The following PHF24 variants were observed in gnomAD, a reference collection of about 807,000 sequenced individuals.
PHF24 encodes the protein PHD finger protein 24.
Under a neutral mutation model 42.6 loss-of-function variants are expected in PHF24, and 25 were observed. That is an observed-to-expected ratio of 0.59 (90% CI 0.43 to 0.82). The LOEUF (loss-of-function observed/expected upper bound fraction) is 0.82. Among genes scored for constraint, PHF24 ranks in the 40% least tolerant of loss-of-function variants. PHF24 has a pLI of 0.00. For synonymous variants in PHF24, 185 were observed against 204.8 expected, an observed-to-expected ratio of 0.90 and a Z score of 0.83; for missense variants, 470 against 538.1, an observed-to-expected ratio of 0.87 and a Z score of 1.25.
chr9:34,926,824 C>A, the PHF24 span, among the ~76,000 whole-genome samples: 18 of 151,774 alleles, frequency 1.2e-4, no homozygotes, highest in Non-Finnish European at 2.5e-4. The surrounding 1 kb of genome is among the most constrained non-coding windows in gnomAD (Gnocchi z 4.3). Context: ...CCTGGCCAGC[C>A]CAGGGCATGT....
intron 1 of PHF24, among the ~76,000 whole-genome samples, chr9:34,968,386 C>T (rs976153934): frequency 6.6e-6 from 1 of 152,116 alleles, no homozygotes; most frequent in Non-Finnish European, 1.5e-5. Flanking sequence ...AAATGATTTC[C>T]TGAATGTGCT....
the PHF24 span, among the ~76,000 whole-genome samples, chr9:34,921,594 C>T: frequency 7.2e-5 from 11 of 152,230 alleles, no homozygotes; most frequent in East Asian, 2.1e-3. Context: ...GAATGTGAAC[C>T]GTTTCTGCCC....
chr9:34,728,718 G>A, the PHF24 span: 2 of 1,429,650 alleles, frequency 1.4e-6, no homozygotes, highest in Non-Finnish European at 1.9e-6. Context: ...TGTCCAAAAT[G>A]AGACAAAACT....
chr9:34,776,581 C>G, the PHF24 span, among the ~76,000 whole-genome samples: 1 of 152,290 alleles, frequency 6.6e-6, no homozygotes, highest in Non-Finnish European at 1.5e-5. Context: ...GCAAATTTCT[C>G]ATTCATATCC....
chr9:34,862,118 G>C, the PHF24 span, among the ~76,000 whole-genome samples: 1 of 152,158 alleles, frequency 6.6e-6, no homozygotes, highest in Non-Finnish European at 1.5e-5. Context: ...GCCCTAGCCA[G>C]AGGGAAATCA....
the PHF24 span, among the ~76,000 whole-genome samples, chr9:34,785,736 C>T: frequency 6.6e-6 from 1 of 152,150 alleles, no homozygotes; most frequent in Non-Finnish European, 1.5e-5. Context: ...TGCATCCTTC[C>T]ACCTTTATAC....
chr9:34,808,935 C>T, the PHF24 span, among the ~76,000 whole-genome samples: 2 of 150,384 alleles, frequency 1.3e-5, no homozygotes, highest in African/African-American at 4.9e-5. Flanking sequence ...ATACCTAATG[C>T]TAGATGACGA....
chr9:34,774,854 C>G, the PHF24 span, among the ~76,000 whole-genome samples: 1 of 152,084 alleles, frequency 6.6e-6, no homozygotes, highest in Non-Finnish European at 1.5e-5. Context: ...CAAATCCAAA[C>G]AACAGTGATT....
At chr9:34,673,258 G>C in the PHF24 span, among the ~76,000 whole-genome samples, 1 of 151,126 alleles carries the variant, frequency 6.6e-6, no homozygotes, top group African/African-American at 2.4e-5. Context: ...CGAGAGATGA[G>C]GCAGGAGGAT....
At chr9:34,676,432 A>G in the PHF24 span, among the ~76,000 whole-genome samples, 1 of 152,104 alleles carries the variant, frequency 6.6e-6, no homozygotes, top group Admixed American at 6.5e-5. Flanking sequence ...GCTGAGGTGG[A>G]GGATCTCTTG....
chr9:34,866,330 T>C, the PHF24 span, among the ~76,000 whole-genome samples: 244 of 152,314 alleles, frequency 1.6e-3, no homozygotes, highest in Non-Finnish European at 3.0e-3. Context: ...CCTTTCTGTG[T>C]GCTTTTTCCC....
At chr9:34,714,401 G>C in the PHF24 span, among the ~76,000 whole-genome samples, 1 of 152,198 alleles carries the variant, frequency 6.6e-6, no homozygotes, top group Admixed American at 6.5e-5. Context: ...GCTTGGGAGG[G>C]GGCATGCAGA....
At chr9:34,682,040 T>C in the PHF24 span, among the ~76,000 whole-genome samples, 4,449 of 19,222 alleles carry the variant, frequency 0.23, 217 homozygotes, top group African/African-American at 0.37. Context: ...AGTGTCATGG[T>C]CACGGCTCAC....
At chr9:34,837,360 G>T in the PHF24 span, 2 of 382,598 alleles carry the variant, frequency 5.2e-6, no homozygotes, top group South Asian at 2.4e-5. Flanking sequence ...AGATGCCCAT[G>T]TTATGGCAAA....
chr9:34,784,255 A>G, the PHF24 span, among the ~76,000 whole-genome samples: 2 of 151,892 alleles, frequency 1.3e-5, no homozygotes, highest in Non-Finnish European at 2.9e-5. Context: ...TGCACAAGTG[A>G]AAGTGCATAA....
chr9:34,743,084 C>T, the PHF24 span, among the ~76,000 whole-genome samples: 1 of 152,324 alleles, frequency 6.6e-6, no homozygotes, highest in African/African-American at 2.4e-5. Flanking sequence ...TAAATAGTTT[C>T]AGTAACAGTA....
the PHF24 span, among the ~76,000 whole-genome samples, chr9:34,721,901 C>T: frequency 6.6e-6 from 1 of 152,164 alleles, no homozygotes; most frequent in Non-Finnish European, 1.5e-5. Context: ...TCTAGTATTC[C>T]ACACTCATCT....
At chr9:34,978,175 C>A (rs766645248) in exon 8 of PHF24, 21 of 1,243,534 alleles carry the variant, frequency 1.7e-5, no homozygotes, top group Non-Finnish European at 2.5e-5. Flanking sequence ...TTTCTCCCTT[C>A]CCCCACCAAC....
chr9:34,869,677 A>G, the PHF24 span, among the ~76,000 whole-genome samples: 3 of 152,124 alleles, frequency 2.0e-5, no homozygotes, highest in African/African-American at 7.2e-5. Flanking sequence ...GCCTGCATAT[A>G]TCTTACTACC....
Sources: gnomAD v4.1 joint callset for allele counts (sites outside exome capture counted in the v4.1 genomes callset) on GRCh38, gnomAD v4.1.1 for gene constraint, Gnocchi (gnomAD v3.1) non-coding constraint, MANE v1.5 for transcripts, NCBI Gene and HGNC (gene_info 2026-07-23, HGNC 2026-07-21) for gene names.